The following VPS8 variants were observed in gnomAD, a reference collection of about 807,000 sequenced individuals.
VPS8 encodes VPS8 subunit of CORVET complex.
VPS8 carries 129 observed loss-of-function variants against 216.4 expected under a neutral mutation model. The observed-to-expected ratio is 0.60, with a 90% confidence interval of 0.52 to 0.69. VPS8 has a LOEUF of 0.69. Among genes scored for constraint, VPS8 ranks in the 30% least tolerant of loss-of-function variants. VPS8 has a pLI of 0.00. For synonymous variants in VPS8, 571 were observed against 565.4 expected, an observed-to-expected ratio of 1.01 and a Z score of -0.14; for missense variants, 1,531 against 1,683.5, an observed-to-expected ratio of 0.91 and a Z score of 1.59.
At chr3:184,814,332 C>T (rs926814647) in intron 1 of VPS8, among the ~76,000 whole-genome samples, 2 of 152,220 alleles carry the variant, frequency 1.3e-5, no homozygotes, top group African/African-American at 4.8e-5. Context: ...TCCTCTGCAA[C>T]TGTAATTGCA....
intron 34 of VPS8, among the ~76,000 whole-genome samples, chr3:184,934,449 G>A (rs1741245591): frequency 6.6e-6 from 1 of 152,160 alleles, no homozygotes; most frequent in Non-Finnish European, 1.5e-5. Context: ...AGGATTACAA[G>A]CATGAGCCAC....
chr3:184,880,799 C>T (rs1291852973), intron 21 of VPS8, among the ~76,000 whole-genome samples: 1 of 152,158 alleles, frequency 6.6e-6, no homozygotes, highest in East Asian at 1.9e-4. Context: ...GTAAGTGATC[C>T]AGTTTCTAGT....
chr3:184,935,114 T>A (rs968802635), intron 34 of VPS8, among the ~76,000 whole-genome samples: 3 of 151,794 alleles, frequency 2.0e-5, no homozygotes, highest in Non-Finnish European at 4.4e-5. Context: ...GATCTCTTGA[T>A]CCCAGGACTT....
chr3:184,870,904 AT>A, intron 21 of VPS8, 99 bp downstream of exon 21: 12 of 1,056,204 alleles, frequency 1.1e-5, no homozygotes, highest in Non-Finnish European at 1.5e-5. Context: ...TTGGTTAAAC[AT>A]TTTTTTAGTA....
At chr3:184,883,172 A>C (rs1578058789) in intron 21 of VPS8, among the ~76,000 whole-genome samples, 1 of 152,060 alleles carries the variant, frequency 6.6e-6, no homozygotes, top group Non-Finnish European at 1.5e-5. Context: ...TTCCTGAATC[A>C]GTTTGTTTCT....
intron 1 of VPS8, chr3:184,824,189 C>G (rs1278326082): frequency 6.4e-6 from 1 of 156,802 alleles, no homozygotes; most frequent in Non-Finnish European, 1.4e-5. Flanking sequence ...GTAAAGAAGG[C>G]ATTAATTGCA....
chr3:185,045,642 A>C (rs972563000), intron 46 of VPS8, among the ~76,000 whole-genome samples: 1 of 152,100 alleles, frequency 6.6e-6, no homozygotes, highest in Admixed American at 6.6e-5. Flanking sequence ...ATGGTGGTAC[A>C]TGCCTATAAT....
rs753256589 is a variant in VPS8 at position 184,852,483 on chromosome 3, A to G, written c.754-17A>G. On this transcript the variant is annotated splice_polypyrimidine_tract_variant and intron_variant, in intron 10 of 47. Transcript: ENST00000625842. ...TGTTTAAAAATGTACAAGAAAATAA[A>G]TTCCTTCTCTGTTTAGTTTACAGAT... 1 of 1,607,238 alleles carries G rather than the reference A, an allele frequency of 6.2e-7. No homozygotes were observed. Among genetic ancestry groups the G allele is most frequent in the Non-Finnish European group, 8.5e-7 (1 of 1,177,804 alleles).
At chr3:184,999,084 T>C (rs1487121038) in intron 44 of VPS8, among the ~76,000 whole-genome samples, 1 of 150,968 alleles carries the variant, frequency 6.6e-6, no homozygotes, top group African/African-American at 2.4e-5. Flanking sequence ...TGAGACAGAG[T>C]TTTGCTCTTG....
intron 6 of VPS8, 22 bp downstream of exon 6, chr3:184,838,768 A>G: frequency 6.5e-7 from 1 of 1,532,714 alleles, no homozygotes; most frequent in Non-Finnish European, 8.8e-7. Flanking sequence ...TTAACTTTTT[A>G]AAGGTAAGTT....
chr3:184,888,203 G>A (rs899456239), intron 22 of VPS8, among the ~76,000 whole-genome samples: 4 of 152,080 alleles, frequency 2.6e-5, no homozygotes, highest in African/African-American at 7.2e-5. Context: ...TAGCCAGGAT[G>A]GTCTGGATCT....
intron 30 of VPS8, among the ~76,000 whole-genome samples, chr3:184,926,020 C>A (rs1258247199): frequency 6.6e-6 from 1 of 150,828 alleles, no homozygotes; most frequent in Non-Finnish European, 1.5e-5. Flanking sequence ...AGTGATCCGC[C>A]CTCCTCGGCC....
intron 21 of VPS8, among the ~76,000 whole-genome samples, chr3:184,873,640 A>G (rs1246404750): frequency 2.0e-5 from 3 of 152,310 alleles, no homozygotes; most frequent in African/African-American, 7.2e-5. Context: ...CTGCCACACT[A>G]TACCACAGAA....
At chr3:185,026,186 A>T (rs1757319479) in intron 46 of VPS8, among the ~76,000 whole-genome samples, 1 of 152,150 alleles carries the variant, frequency 6.6e-6, no homozygotes, top group Non-Finnish European at 1.5e-5. Flanking sequence ...TATGGGGGAA[A>T]AATGATAAAA....
chr3:184,844,862 A>G (rs1722835225), intron 8 of VPS8, among the ~76,000 whole-genome samples: 1 of 152,222 alleles, frequency 6.6e-6, no homozygotes, highest in Non-Finnish European at 1.5e-5. Flanking sequence ...TATTACTGTC[A>G]TAAACAGTAA....
intron 40 of VPS8, among the ~76,000 whole-genome samples, chr3:184,977,290 A>G (rs1231518068): frequency 6.6e-6 from 1 of 151,940 alleles, no homozygotes; most frequent in East Asian, 1.9e-4. Context: ...TCCTTTACCC[A>G]CTTTGTAATG....
chr3:184,851,875 C>A (rs989331072), intron 10 of VPS8, among the ~76,000 whole-genome samples: 1 of 152,202 alleles, frequency 6.6e-6, no homozygotes, highest in Admixed American at 6.5e-5. Flanking sequence ...ATTGACCATA[C>A]TTCAGGTCAC....
At chr3:184,863,159 A>T in intron 16 of VPS8, 92 bp downstream of exon 16, 1 of 1,476,264 alleles carries the variant, frequency 6.8e-7, no homozygotes, top group South Asian at 1.3e-5. Context: ...AACTCTGGGG[A>T]GTTACCTTTT....
chr3:184,940,739 A>T (rs77346600), intron 36 of VPS8, among the ~76,000 whole-genome samples: 1,807 of 152,336 alleles, frequency 0.012, 39 homozygotes, highest in African/African-American at 0.041. Flanking sequence ...TTTTTTCAAC[A>T]GCTACTCTGA....
Sources: gnomAD v4.1 joint callset for allele counts (sites outside exome capture counted in the v4.1 genomes callset) on GRCh38, gnomAD v4.1.1 for gene constraint, MANE v1.5 for transcripts, NCBI Gene and HGNC (gene_info 2026-07-23, HGNC 2026-07-21) for gene names.